Variants in YBX2 observed in about 807,000 individuals in gnomAD.
YBX2 encodes Y-box-binding protein 2.
YBX2 carries 5 observed loss-of-function variants against 44.4 expected under a neutral mutation model. The observed-to-expected ratio is 0.11, with a 90% CI of 0.06 to 0.24. The LOEUF is 0.24. Ranked by LOEUF, YBX2 falls within the 10% of genes least tolerant of loss-of-function variation. YBX2 has a pLI of 1.00. For missense variants in YBX2, 417 were observed against 526.9 expected (o/e 0.79, Z 2.04); for synonymous variants, 188 against 216.1 (o/e 0.87, Z 1.14).
Position 7,288,739 on chromosome 17 carries a change from A to C in YBX2, c.*39+10T>G. The C allele has an allele frequency of 6.2e-7, 1 of 1,611,260 alleles. No individual in the cohort carries two copies. On this transcript the variant is annotated intron_variant, in intron 8 of 8. Transcript: ENST00000007699. ...TCCTGGCCACCCACCCAACTGCACC[A>C]GCCACTCACCAGATGGCAGCTCTGG...
In YBX2 at chr17:7,294,057, G is replaced by T. The variant is rs1017129158; in HGVS notation, c.271+173C>A. ...CCCGCCCTCTCTCCCAGGAAGGTAC[G>T]GCAGGATTTCCCACCAGGGGAATCC... is the stretch of plus-strand genomic sequence containing the variant. On this transcript the variant is annotated intron_variant, in intron 1 of 8. Coordinates refer to ENST00000007699, the MANE Select transcript of YBX2 (RefSeq NM_015982.4). This position sits in a 1 kb window ranked among gnomAD's most constrained non-coding sequence, Gnocchi z 4.6. 1.4e-6 allele frequency: 1 copy of T among 736,348 alleles called. No individual in the cohort carries two copies. Among genetic ancestry groups the T allele is most frequent in the Non-Finnish European group, 1.9e-6 (1 of 532,276 alleles). The allele number at this position is 736,348 out of a possible 1,614,324, so 45.6% of individuals were successfully genotyped here.
Position 7,290,268 on chromosome 17 carries a change from G to C in YBX2, c.727C>G (p.Gln243Glu). The change falls in exon 5 of 9, where the codon CAG becomes GAG. Residue 243 changes from glutamine (Q) to glutamate (E), a missense_variant. Physicochemically the swap from Gln to Glu is conservative, Grantham distance 29 (BLOSUM62 2). Coordinates refer to ENST00000007699, the MANE Select transcript of YBX2 (RefSeq NM_015982.4). ...CCCCTCACCTCTATAGGCTGCTGCT[G>C]GTTGGGAGGCCGGGGGCCTCGCACA... ...RFVRGPRPPN[Q>E]QQPIEGTDRV... The C allele has an allele frequency of 6.2e-7, 1 of 1,613,056 alleles. No individual in the cohort carries two copies. The highest frequency in any genetic ancestry group is 1.3e-5 in the African/African-American group (1 of 75,024).
Position 7,289,655 on chromosome 17 carries a change from C to T in YBX2, c.919G>A (p.Gly307Ser). The T allele has an allele frequency of 2.5e-6, 4 of 1,614,118 alleles. No homozygotes were observed. Among genetic ancestry groups the T allele is most frequent in the Non-Finnish European group, 3.4e-6 (4 of 1,179,990 alleles). Residue 307 changes from glycine to serine, a missense_variant, in exon 7 of 9, where the codon GGT becomes AGT. Gly to Ser is a moderately conservative substitution (Grantham distance 56, BLOSUM62 0). Around this residue, in one of 3 missense-constraint regions of YBX2, gnomAD observed 257 missense variants for 261.7 expected, o/e 0.98. Transcript: ENST00000007699. The part of the protein sequence containing the change: ...GGDGETKPSQ[G>S]PADGSRPEPQ... ...TCAGGCCGGGAACCATCAGCGGGAC[C>T]TTGGCTGGGCTTGGTCTCACCATCC...
chr17:7,289,534 G>A lies in YBX2; in HGVS notation c.1040C>T (p.Pro347Leu). ...TCCCACATCTGAGGTCCTCACCTCA[G>A]GGGCTGCGGGCTGCCGGGGGCCAGG... ...QAPGPRQPAAPETSAPVNSGD... is the reference protein window; with the variant it reads ...QAPGPRQPAALETSAPVNSGD... The change falls in exon 7 of 9, where the codon CCT (proline) becomes CTT (leucine). Residue 347 changes from proline (P) to leucine (L), a missense_variant. By Grantham distance (98) the Pro-to-Leu change is moderately conservative. Transcript: ENST00000007699. The A allele has an allele frequency of 6.2e-7, 1 of 1,602,284 alleles. No individual in the cohort carries two copies. The highest frequency in any genetic ancestry group is 8.5e-7 in the Non-Finnish European group (1 of 1,174,158).
At position 7,291,176 on chromosome 17, in the gene YBX2, T is replaced by C. The variant is rs752704836; in HGVS notation, c.376A>G (p.Ile126Val). ...AACTTCCTGGGGTTGTTTCTTTTAA[T>C]AGCTGTCTGATTGGGGAAAAGGCCA... ...KEDVFVHQTA[I>V]KRNNPRKFLR... The change falls in exon 4 of 9, where the codon ATT becomes GTT. Residue 126 changes from isoleucine to valine, a missense_variant. Coordinates refer to ENST00000007699, the MANE Select transcript of YBX2 (RefSeq NM_015982.4). This position sits in a 1 kb window ranked among gnomAD's most constrained non-coding sequence, Gnocchi z 5.8. The C allele has an allele frequency of 6.2e-7, 1 of 1,614,068 alleles. No homozygotes were observed. The highest frequency in any genetic ancestry group is 8.5e-7 in the Non-Finnish European group (1 of 1,179,994).
At position 7,288,600 on chromosome 17, in the gene YBX2, G is replaced by A. The variant is rs560398189; in HGVS notation, c.*83C>T. 82 of 607,994 alleles carry A rather than the reference G, an allele frequency of 1.3e-4. No individual in the cohort carries two copies. Among genetic ancestry groups the A allele is most frequent in the Middle Eastern group, 4.5e-4 (1 of 2,210 alleles). 37.7% of individuals were successfully genotyped at this position (607,994 alleles called of 1,614,324 possible). On this transcript the variant is annotated 3_prime_UTR_variant, in exon 9 of 9. Coordinates refer to ENST00000007699, the MANE Select transcript of YBX2 (RefSeq NM_015982.4). ...ATGAATTATGGGAAAGGGGGAGCAG[G>A]GTACTGGGTAGGGTACAGGTCATTT...
At position 7,294,287 on chromosome 17, in the gene YBX2, C is replaced by T; in HGVS notation, c.214G>A (p.Ala72Thr). The T allele has an allele frequency of 1.6e-6, 2 of 1,278,250 alleles. No homozygotes were observed. Among genetic ancestry groups the T allele is most frequent in the Non-Finnish European group, 2.0e-6 (2 of 1,018,850 alleles). 79.2% of individuals were successfully genotyped at this position (1,278,250 alleles called of 1,614,324 possible). A position where few individuals can be genotyped will look rare whatever the true frequency, so the allele number is the denominator to read the frequency against. The change falls in exon 1 of 9, where the codon GCG becomes ACG. Residue 72 changes from alanine (A) to threonine (T), a missense_variant. Coordinates refer to ENST00000007699, the MANE Select transcript of YBX2 (RefSeq NM_015982.4). The surrounding 1 kb of genome is among the most constrained non-coding windows in gnomAD (Gnocchi z 4.6). ...GGGGGGGCGGGGGTTCCCGAGACCG[C>T]CGTCGCCGGATTGCCAGGGGTGCGG... ...GSRTPGNPAT[A>T]VSGTPAPPAR...
intron 5 of YBX2, 63 bp downstream of exon 5, chr17:7,290,188 T>G: frequency 6.2e-7 from 1 of 1,610,376 alleles, no homozygotes; most frequent in South Asian, 1.1e-5. Context: ...ATGGTCTCTA[T>G]CCTAACTCCC....
Position 7,294,108 on chromosome 17 carries a change from G to T in YBX2, c.271+122C>A. The T allele has an allele frequency of 9.0e-7, 1 of 1,112,916 alleles. No homozygotes were observed. Among genetic ancestry groups the T allele is most frequent in the Non-Finnish European group, 1.1e-6 (1 of 878,358 alleles). 68.9% of individuals were successfully genotyped at this position (1,112,916 alleles called of 1,614,324 possible). A position where few individuals can be genotyped will look rare whatever the true frequency, so the allele number is the denominator to read the frequency against. On this transcript the variant is annotated intron_variant, in intron 1 of 8. Coordinates refer to ENST00000007699, the MANE Select transcript of YBX2 (RefSeq NM_015982.4). The surrounding 1 kb of genome is among the most constrained non-coding windows in gnomAD (Gnocchi z 4.6). ...ACTTTGGTGCGCAGCTCCCAGCCCAGTTAGCGCTCTGGGCCTGCGGGCCAG... is the reference window on the plus strand; with the variant it reads ...ACTTTGGTGCGCAGCTCCCAGCCCATTTAGCGCTCTGGGCCTGCGGGCCAG...
chr17:7,293,232 G>A (rs2072514415), intron 2 of YBX2: 5 of 611,940 alleles, frequency 8.2e-6, no homozygotes, highest in Non-Finnish European at 1.4e-5. Flanking sequence ...AAGCTGGCAG[G>A]GTCAGAGCCA....
In YBX2 at chr17:7,288,846, A is replaced by T. The variant is rs2143005373; in HGVS notation, c.1045-8T>A. The T allele has an allele frequency of 6.2e-7, 1 of 1,613,774 alleles. No individual in the cohort carries two copies. The highest frequency in any genetic ancestry group is 2.2e-5 in the East Asian group (1 of 44,864). On this transcript the variant is annotated splice_region_variant and splice_polypyrimidine_tract_variant and intron_variant, in intron 7 of 8. Transcript: ENST00000007699. ...GTTGACAGGGGCTGAGGTCTAAAGA[A>T]CAGCGGTGGCCAATTGAGACTTGTT...
chr17:7,289,092 C>A (rs978357723), intron 7 of YBX2, among the ~76,000 whole-genome samples: 1 of 152,152 alleles, frequency 6.6e-6, no homozygotes, highest in African/African-American at 2.4e-5. Context: ...GAACTCCTGA[C>A]CCCAACTGAT....
At chr17:7,289,406 G>C in intron 7 of YBX2, 124 bp downstream of exon 7, 1 of 1,429,262 alleles carries the variant, frequency 7.0e-7, no homozygotes, top group Non-Finnish European at 9.4e-7. Context: ...CATGGAAGAG[G>C]GTGGTGGCAG....
intron 2 of YBX2, chr17:7,293,127 C>T (rs1367829913): frequency 2.0e-5 from 7 of 350,462 alleles, no homozygotes; most frequent in Non-Finnish European, 2.7e-5. Context: ...GGATTCCAGC[C>T]GGGGGCCCTG....
intron 1 of YBX2, 75 bp from the exon 2 acceptor site, chr17:7,293,613 C>T: frequency 6.3e-7 from 1 of 1,593,628 alleles, no homozygotes; most frequent in Non-Finnish European, 8.5e-7. Flanking sequence ...TGAGACACTC[C>T]AAAACAAAAA....
In YBX2 at chr17:7,288,643, C is replaced by G; in HGVS notation, c.*40G>C. 2.1e-6 allele frequency: 2 copies of G among 940,354 alleles called. No individual in the cohort carries two copies. The highest frequency in any genetic ancestry group is 3.1e-5 in the South Asian group (2 of 64,554). The allele number at this position is 940,354 out of a possible 1,614,324, so 58.3% of individuals were successfully genotyped here. Reference sequence around the variant, plus strand: ...GGTCATTTGGAAAAACTGGCAGATACCTGAGAGAGAAAAGGAAATGGACGG... The same window carrying G: ...GGTCATTTGGAAAAACTGGCAGATAGCTGAGAGAGAAAAGGAAATGGACGG... On this transcript the variant is annotated splice_region_variant and 3_prime_UTR_variant, in exon 9 of 9. Transcript: ENST00000007699.
Position 7,293,457 on chromosome 17 carries a change from C to A in YBX2, c.335+18G>T, listed in dbSNP as rs747623259. 6.2e-7 allele frequency: 1 copy of A among 1,614,052 alleles called. No homozygotes were observed. Among genetic ancestry groups the A allele is most frequent in the Non-Finnish European group, 8.5e-7 (1 of 1,179,952 alleles). ...GGGAAGACACCCATTCCACCCCCGC[C>A]CTGGGTTCCTTGGATACCTGTTGAT... On this transcript the variant is annotated intron_variant, in intron 2 of 8. Transcript: ENST00000007699.
At position 7,291,951 on chromosome 17, in the gene YBX2, G is replaced by A. The variant is rs563156570; in HGVS notation, c.369+75C>T. 4.4e-5 allele frequency: 69 copies of A among 1,566,814 alleles called. No homozygotes were observed. Among genetic ancestry groups the A allele is most frequent in the African/African-American group, 2.6e-4 (19 of 73,910 alleles). ...AAGAGCCAGAGAAACATGGCGGAGC[G>A]CACTGCTAAGGATTACAGCAAAGGC... is the stretch of plus-strand genomic sequence containing the variant. On this transcript the variant is annotated intron_variant, in intron 3 of 8. Transcript: ENST00000007699. The surrounding 1 kb of genome is among the most constrained non-coding windows in gnomAD (Gnocchi z 5.8).
chr17:7,289,109 GCTTCTGCCTC>G (rs1269134527), intron 7 of YBX2, among the ~76,000 whole-genome samples: 3 of 152,168 alleles, frequency 2.0e-5, no homozygotes, highest in African/African-American at 7.2e-5. Flanking sequence ...TGATCTGCCT[GCTTCTGCCTC>G]CCAAAGTGCT....
Sources: gnomAD v4.1 joint callset for allele counts (sites outside exome capture counted in the v4.1 genomes callset) on GRCh38, gnomAD v4.1.1 for gene constraint, gnomAD v4.1.1 regional missense constraint, Gnocchi (gnomAD v3.1) non-coding constraint, MANE v1.5 for transcripts, NCBI Gene and HGNC (gene_info 2026-07-23, HGNC 2026-07-21) for gene names.